Variants in PCDH15 observed in about 807,000 individuals in gnomAD.
The protein encoded by PCDH15 is protocadherin related 15.
In PCDH15, 129 loss-of-function variants were observed where a neutral mutation model predicts 178.5. That is an observed-to-expected ratio of 0.72 (90% CI 0.63 to 0.84). The LOEUF (loss-of-function observed/expected upper bound fraction) is 0.84. Among genes scored for constraint, PCDH15 ranks in the 40% least tolerant of loss-of-function variants. PCDH15 has a pLI of 0.00. For missense variants in PCDH15, 2,230 were observed against 2,099.9 expected (o/e 1.06, Z -1.21); for synonymous variants, 800 against 732.0 (o/e 1.09, Z -1.50).
intron 2 of PCDH15, among the ~76,000 whole-genome samples, chr10:55,330,822 A>G (rs61851096): frequency 0.27 from 39,519 of 145,902 alleles, 6,303 homozygotes; most frequent in Admixed American, 0.37. Context: ...TCTCTCTTAA[A>G]TAGATAGATT....
intron 2 of PCDH15, among the ~76,000 whole-genome samples, chr10:55,085,772 T>C (rs1842154013): frequency 1.3e-5 from 2 of 151,832 alleles, no homozygotes; most frequent in Admixed American, 6.6e-5. Flanking sequence ...AGATGAAAAG[T>C]CCTTTTCCTA....
intron 16 of PCDH15, among the ~76,000 whole-genome samples, chr10:54,085,696 A>G (rs1341494959): frequency 6.6e-6 from 1 of 152,172 alleles, no homozygotes; most frequent in East Asian, 1.9e-4. Flanking sequence ...TTTTTCTTTA[A>G]AGACCCAGTT....
intron 1 of PCDH15, among the ~76,000 whole-genome samples, chr10:54,752,557 A>G (rs1350384907): frequency 2.6e-5 from 4 of 151,344 alleles, no homozygotes; most frequent in Non-Finnish European, 5.9e-5. Context: ...CAATTTTCCT[A>G]TATGTCAGAA....
At chr10:55,579,823 T>C (rs1050948920) in intron 2 of PCDH15, among the ~76,000 whole-genome samples, 10 of 152,006 alleles carry the variant, frequency 6.6e-5, no homozygotes, top group Admixed American at 5.9e-4. Context: ...TTTTTGTTTG[T>C]TATGTTTTTT....
intron 2 of PCDH15, among the ~76,000 whole-genome samples, chr10:55,607,910 A>G (rs1243492732): frequency 6.6e-6 from 1 of 152,024 alleles, no homozygotes; most frequent in African/African-American, 2.4e-5. Flanking sequence ...ATAAAAAAAA[A>G]TACACACACA....
At chr10:54,426,656 A>G (rs1451620713) in intron 3 of PCDH15, among the ~76,000 whole-genome samples, 1 of 151,964 alleles carries the variant, frequency 6.6e-6, no homozygotes, top group Non-Finnish European at 1.5e-5. Context: ...CTACCTGAAA[A>G]TTAGATTTTT....
At chr10:55,254,960 T>C (rs1175860798) in intron 1 of PCDH15, among the ~76,000 whole-genome samples, 1 of 152,180 alleles carries the variant, frequency 6.6e-6, no homozygotes, top group African/African-American at 2.4e-5. Flanking sequence ...TTTCTTTTTT[T>C]TTTTATTATA....
chr10:55,316,457 G>C (rs1017540319), intron 1 of PCDH15, among the ~76,000 whole-genome samples: 4 of 152,040 alleles, frequency 2.6e-5, no homozygotes, highest in African/African-American at 7.2e-5. Flanking sequence ...TTGTGAAAAA[G>C]TATATTGAAT....
intron 18 of PCDH15, among the ~76,000 whole-genome samples, chr10:54,026,718 A>C (rs2093108172): frequency 6.6e-6 from 1 of 152,178 alleles, no homozygotes; most frequent in Non-Finnish European, 1.5e-5. Context: ...ATGCAGAAAA[A>C]GCGTTTGACA....
At chr10:54,705,224 T>C (rs963908758) in intron 1 of PCDH15, among the ~76,000 whole-genome samples, 1 of 152,074 alleles carries the variant, frequency 6.6e-6, no homozygotes, top group African/African-American at 2.4e-5. Flanking sequence ...AATTATTACC[T>C]TGGGTATGAA....
intron 2 of PCDH15, among the ~76,000 whole-genome samples, chr10:54,949,048 G>C (rs1185063346): frequency 6.6e-6 from 1 of 151,730 alleles, no homozygotes; most frequent in African/African-American, 2.4e-5. Flanking sequence ...AATTTTGTAA[G>C]AGACATGGAG....
At chr10:54,289,824 A>C (rs1207620031) in intron 8 of PCDH15, among the ~76,000 whole-genome samples, 1 of 152,206 alleles carries the variant, frequency 6.6e-6, no homozygotes, top group Non-Finnish European at 1.5e-5. Flanking sequence ...TAATGAAATA[A>C]AGTGAGAAGA....
Position 54,477,902 on chromosome 10 carries a change from C to G in PCDH15, c.157+49910G>C, listed in dbSNP as rs1381775775. Among the ~76,000 whole-genome samples the G allele has an allele frequency of 6.6e-5, 10 of 152,210 alleles. No homozygotes were observed. The East Asian group carries it at 1.7e-3, about 26-fold the overall frequency. On this transcript the variant is annotated intron_variant, in intron 3 of 37. Coordinates refer to ENST00000644397, the MANE Select transcript of PCDH15 (RefSeq NM_001384140.1). ...TCAGCCAAATAAACAAATAATTTTT[C>G]TTTTTAAAATGAAATACTTACTTGG...
intron 3 of PCDH15, among the ~76,000 whole-genome samples, chr10:54,385,434 A>G (rs1949802765): frequency 6.6e-6 from 1 of 152,188 alleles, no homozygotes; most frequent in Non-Finnish European, 1.5e-5. Flanking sequence ...ATTGGAGGAC[A>G]TATTTAATAA....
At chr10:55,035,263 G>T (rs1423138003) in intron 2 of PCDH15, among the ~76,000 whole-genome samples, 1 of 152,048 alleles carries the variant, frequency 6.6e-6, no homozygotes, top group Non-Finnish European at 1.5e-5. Context: ...CATTATTTTT[G>T]TATGCAATTA....
chr10:54,624,007 G>A lies in PCDH15; in HGVS notation c.91+40165C>T, dbSNP rs2093467163. On this transcript the variant is annotated intron_variant, in intron 2 of 37. Coordinates refer to ENST00000644397, the MANE Select transcript of PCDH15 (RefSeq NM_001384140.1). The stretch of plus-strand genomic sequence containing the variant: ...CTGTAGTGATTACAAGGAAAGAACA[G>A]AGAGTACATGTTTGATACATTAAAA... Among the ~76,000 whole-genome samples, 3 of 152,114 alleles carry A rather than the reference G, an allele frequency of 2.0e-5. No homozygotes were observed. In the South Asian group the frequency reaches 6.2e-4, roughly 31 times the overall value.
intron 2 of PCDH15, among the ~76,000 whole-genome samples, chr10:54,560,241 AC>A (rs1417611288): frequency 6.6e-6 from 1 of 152,052 alleles, no homozygotes; most frequent in Non-Finnish European, 1.5e-5. Context: ...ATCGGGAAAC[AC>A]TTAAATTACC....
At chr10:55,113,324 A>G (rs1418922747) in intron 2 of PCDH15, among the ~76,000 whole-genome samples, 3 of 151,974 alleles carry the variant, frequency 2.0e-5, no homozygotes, top group South Asian at 2.1e-4. Context: ...GCAAGACACT[A>G]TACTTAGTTA....
intron 3 of PCDH15, among the ~76,000 whole-genome samples, chr10:54,890,062 T>G (rs1486294284): frequency 2.6e-5 from 4 of 152,022 alleles, no homozygotes; most frequent in Non-Finnish European, 5.9e-5. Flanking sequence ...TAGATAAATG[T>G]GCCCTATATT....
Sources: gnomAD v4.1 joint callset for allele counts (sites outside exome capture counted in the v4.1 genomes callset) on GRCh38, gnomAD v4.1.1 for gene constraint, MANE v1.5 for transcripts, NCBI Gene and HGNC (gene_info 2026-07-23, HGNC 2026-07-21) for gene names.